PEAK1: variants seen among roughly 807,000 people sequenced by gnomAD.
PEAK1 encodes the protein inactive tyrosine-protein kinase PEAK1.
A neutral mutation model predicts 124.7 loss-of-function variants in PEAK1; 54 were observed. The observed-to-expected ratio is 0.43, with a 90% CI of 0.35 to 0.54. The LOEUF is 0.54. Ranked by LOEUF, PEAK1 falls within the 20% of genes least tolerant of loss-of-function variation. PEAK1 has a pLI of 0.01. For missense variants in PEAK1, 2,046 were observed against 2,134.5 expected, an observed-to-expected ratio of 0.96 and a Z score of 0.82; for synonymous variants, 719 against 760.0, an observed-to-expected ratio of 0.95 and a Z score of 0.89.
intron 5 of PEAK1, among the ~76,000 whole-genome samples, chr15:77,258,420 T>C (rs1187091275): frequency 1.3e-5 from 2 of 152,324 alleles, no homozygotes; most frequent in Middle Eastern, 3.4e-3. Flanking sequence ...TGGTTTGTAG[T>C]TCTCCTTGAA....
intron 8 of PEAK1, chr15:77,156,760 T>C (rs1386471526): frequency 6.6e-6 from 1 of 152,250 alleles, no homozygotes; most frequent in Non-Finnish European, 1.5e-5. Context: ...AAAGAAATTT[T>C]GGTTTAATAA....
intron 5 of PEAK1, among the ~76,000 whole-genome samples, chr15:77,256,123 T>C (rs2061119548): frequency 2.0e-5 from 3 of 152,100 alleles, no homozygotes; most frequent in South Asian, 4.1e-4. Context: ...AAATTCAGGA[T>C]AAAGAACTAT....
intron 2 of PEAK1, among the ~76,000 whole-genome samples, chr15:77,357,944 G>A (rs928657762): frequency 1.3e-5 from 2 of 151,988 alleles, no homozygotes; most frequent in African/African-American, 4.8e-5. Flanking sequence ...CAGTCCTGTT[G>A]CCTTTTCCCA....
chr15:77,105,317 G>GGT (rs67540842), downstream of PEAK1: 3,549 of 145,062 alleles, frequency 0.024, 63 homozygotes, highest in South Asian at 0.043. Flanking sequence ...GCCATTAGTT[G>GGT]GTGTGTGTGT....
chr15:77,165,059 C>T (rs2055980394), intron 7 of PEAK1, among the ~76,000 whole-genome samples: 1 of 151,902 alleles, frequency 6.6e-6, no homozygotes, highest in Admixed American at 6.6e-5. Context: ...GCCCACCACG[C>T]CTGGCTAAAT....
intron 1 of PEAK1, among the ~76,000 whole-genome samples, chr15:77,413,888 A>G (rs2072615497): frequency 6.6e-6 from 1 of 152,048 alleles, no homozygotes; most frequent in Admixed American, 6.6e-5. Flanking sequence ...CAGTGGTGCA[A>G]TCATGGCTCA....
At chr15:77,142,980 A>G (rs1170083035) in intron 8 of PEAK1, among the ~76,000 whole-genome samples, 2 of 152,234 alleles carry the variant, frequency 1.3e-5, no homozygotes, top group African/African-American at 4.8e-5. Context: ...TTTATGGAAT[A>G]TAAATTATAT....
chr15:77,123,458 C>T (rs2052098941), intron 9 of PEAK1, among the ~76,000 whole-genome samples: 1 of 152,112 alleles, frequency 6.6e-6, no homozygotes, highest in Non-Finnish European at 1.5e-5. Flanking sequence ...CTGCTTCAGG[C>T]ATGAAATAAT....
At chr15:77,154,981 G>C (rs991361885) in intron 8 of PEAK1, among the ~76,000 whole-genome samples, 1 of 152,048 alleles carries the variant, frequency 6.6e-6, no homozygotes, top group South Asian at 2.1e-4. Flanking sequence ...TGCTCTTCTC[G>C]AGGAGTATCT....
At chr15:77,245,380 G>A (rs1284734222) in intron 6 of PEAK1, among the ~76,000 whole-genome samples, 5 of 151,638 alleles carry the variant, frequency 3.3e-5, no homozygotes, top group Non-Finnish European at 5.9e-5. Context: ...AAAAAAGGAT[G>A]TCTAACTCTT....
intron 1 of PEAK1, among the ~76,000 whole-genome samples, chr15:77,397,135 C>T (rs2070954706): frequency 6.6e-6 from 1 of 151,872 alleles, no homozygotes; most frequent in Non-Finnish European, 1.5e-5. Context: ...TGGGATAAAA[C>T]CAGAAATCAA....
At chr15:77,132,258 T>A (rs1297541156) in intron 9 of PEAK1, among the ~76,000 whole-genome samples, 2 of 149,304 alleles carry the variant, frequency 1.3e-5, no homozygotes, top group African/African-American at 4.9e-5. Flanking sequence ...TTTTTTCTAT[T>A]TTTTTTTTTA....
At chr15:77,135,431 C>G (rs938862501) in intron 8 of PEAK1, among the ~76,000 whole-genome samples, 3 of 152,176 alleles carry the variant, frequency 2.0e-5, no homozygotes, top group African/African-American at 7.2e-5. Flanking sequence ...ATAGAGTGTA[C>G]TTACACGAAC....
intron 1 of PEAK1, among the ~76,000 whole-genome samples, chr15:77,410,112 C>T (rs2072278231): frequency 6.7e-6 from 1 of 149,284 alleles, no homozygotes; most frequent in Admixed American, 6.7e-5. Context: ...GCTCTTTTTG[C>T]CCAGGCTGGA....
intron 2 of PEAK1, among the ~76,000 whole-genome samples, chr15:77,300,930 C>A (rs1446780326): frequency 6.6e-6 from 1 of 152,126 alleles, no homozygotes; most frequent in African/African-American, 2.4e-5. Flanking sequence ...CGGCTCACTG[C>A]AACCTCCGCC....
intron 5 of PEAK1, among the ~76,000 whole-genome samples, chr15:77,269,723 GA>G (rs1235667046): frequency 6.6e-6 from 1 of 152,114 alleles, no homozygotes; most frequent in East Asian, 1.9e-4. Context: ...CTCCAAGACA[GA>G]CCATATGACA....
At chr15:77,324,803 A>C (rs1397931937) in intron 2 of PEAK1, among the ~76,000 whole-genome samples, 1 of 152,200 alleles carries the variant, frequency 6.6e-6, no homozygotes, top group African/African-American at 2.4e-5. Flanking sequence ...AGGGGATGGT[A>C]CTAAACCATT....
At chr15:77,400,571 T>C (rs953118363) in intron 1 of PEAK1, among the ~76,000 whole-genome samples, 5 of 152,082 alleles carry the variant, frequency 3.3e-5, no homozygotes, top group African/African-American at 7.2e-5. Flanking sequence ...AAGGACAAAC[T>C]TTGCATGCTC....
intron 6 of PEAK1, among the ~76,000 whole-genome samples, chr15:77,236,085 T>C (rs1163193886): frequency 1.3e-5 from 2 of 152,218 alleles, no homozygotes; most frequent in Non-Finnish European, 2.9e-5. Context: ...GCTAGGGCAG[T>C]GTGGAAAGGA....
Sources: allele counts gnomAD v4.1 joint callset (sites outside exome capture counted in the v4.1 genomes callset), GRCh38; gene constraint gnomAD v4.1.1; transcripts MANE v1.5; gene names NCBI Gene and HGNC (gene_info 2026-07-23, HGNC 2026-07-21).